CELF2: variants seen among roughly 807,000 people sequenced by gnomAD.
CELF2 encodes the protein CUGBP Elav-like family member 2.
Under a neutral mutation model 62.6 loss-of-function variants are expected in CELF2, and 8 were observed. That is an observed-to-expected ratio of 0.13 (90% CI 0.07 to 0.23). CELF2 has a LOEUF of 0.23. CELF2 is among the 10% of genes least tolerant of loss of function. The probability of loss-of-function intolerance (pLI) is 1.00; values close to 1 mark genes in which losing one functional copy is unlikely to be tolerated. For missense variants in CELF2, 333 were observed against 671.0 expected, an observed-to-expected ratio of 0.50 and a Z score of 5.56; for synonymous variants, 258 against 250.0, an observed-to-expected ratio of 1.03 and a Z score of -0.30.
intron 1 of CELF2, among the ~76,000 whole-genome samples, chr10:10,866,604 T>A: frequency 1.2e-5 from 1 of 84,084 alleles, no homozygotes; most frequent in South Asian, 4.8e-4. Context: ...GACTCCATCC[T>A]CTCAAAAAAA....
At chr10:11,096,361 C>T (rs746495891) in intron 1 of CELF2, 9 of 152,208 alleles carry the variant, frequency 5.9e-5, no homozygotes, top group Non-Finnish European at 1.3e-4. Flanking sequence ...TTCCCCTTCA[C>T]GAATCCTTAC....
In CELF2 at chr10:11,243,553, G is replaced by A. The variant is rs543203423; in HGVS notation, c.355-5600G>A. Among the ~76,000 whole-genome samples, 27 of 152,282 alleles carry A rather than the reference G, an allele frequency of 1.8e-4. No homozygotes were observed. Among genetic ancestry groups the A allele is most frequent in the Non-Finnish European group, 3.7e-4 (25 of 68,018 alleles). On this transcript the variant is annotated intron_variant, in intron 3 of 12. Coordinates refer to ENST00000633077, the MANE Select transcript of CELF2 (RefSeq NM_001326342.2). This position sits in a 1 kb window ranked among gnomAD's most constrained non-coding sequence, Gnocchi z 4.1. ...CCCCACAAGCATGCTGCGGCCTTGCGTGAGAGGACCAGAGATCTCCTGTCG... is the reference window on the plus strand; with the variant it reads ...CCCCACAAGCATGCTGCGGCCTTGCATGAGAGGACCAGAGATCTCCTGTCG...
At chr10:10,621,443 G>T in the CELF2 span, among the ~76,000 whole-genome samples, 2 of 152,126 alleles carry the variant, frequency 1.3e-5, no homozygotes, top group Non-Finnish European at 2.9e-5. Flanking sequence ...GAACAAAGAA[G>T]CGTAGCATAG....
Position 11,269,972 on chromosome 10 carries a change from G to GT in CELF2, c.619-688dup, listed in dbSNP as rs2083268555. 6.6e-6 allele frequency among the ~76,000 whole-genome samples: 1 copy of GT among 152,210 alleles called. No individual in the cohort carries two copies. Among genetic ancestry groups the GT allele is most frequent in the Non-Finnish European group, 1.5e-5 (1 of 68,042 alleles). On this transcript the variant is annotated intron_variant, in intron 6 of 12. Coordinates refer to ENST00000633077, the MANE Select transcript of CELF2 (RefSeq NM_001326342.2). The surrounding 1 kb of genome is among the most constrained non-coding windows in gnomAD (Gnocchi z 4.4). ...TCTTCTTTGGCTAGAATGTGCTTCT[G>GT]TTTTTTGGGTTTGCACCAGCTCCAG...
chr10:10,616,723 A>T, the CELF2 span, among the ~76,000 whole-genome samples: 701 of 144,862 alleles, frequency 4.8e-3, 5 homozygotes, highest in African/African-American at 0.016. Context: ...TGTGTGTGAG[A>T]GAGAGAGAGA....
At chr10:10,602,365 A>C in the CELF2 span, among the ~76,000 whole-genome samples, 2 of 152,128 alleles carry the variant, frequency 1.3e-5, no homozygotes, top group African/African-American at 4.8e-5. Context: ...TGGGGTCCTG[A>C]CATACCGGGG....
At chr10:10,691,118 C>G in the CELF2 span, among the ~76,000 whole-genome samples, 1 of 151,964 alleles carries the variant, frequency 6.6e-6, no homozygotes, top group Admixed American at 6.6e-5. Flanking sequence ...AACTCGTCAT[C>G]TAGCATTAGG....
At chr10:10,489,391 T>C in the CELF2 span, among the ~76,000 whole-genome samples, 35 of 152,126 alleles carry the variant, frequency 2.3e-4, no homozygotes, top group Non-Finnish European at 4.0e-4. Flanking sequence ...ACTGATAATT[T>C]TAAAACTAGA....
chr10:10,901,934 T>G (rs1421461332), intron 1 of CELF2, among the ~76,000 whole-genome samples: 1 of 152,146 alleles, frequency 6.6e-6, no homozygotes, highest in African/African-American at 2.4e-5. Context: ...GAATAAGCAT[T>G]TCACCAAAGA....
chr10:10,604,746 C>T, the CELF2 span, among the ~76,000 whole-genome samples: 2 of 152,174 alleles, frequency 1.3e-5, no homozygotes, highest in African/African-American at 2.4e-5. Flanking sequence ...TTAATACAAA[C>T]ATTTTGTCCA....
intron 9 of CELF2, among the ~76,000 whole-genome samples, chr10:11,304,534 A>T (rs1037270584): frequency 6.6e-6 from 1 of 152,204 alleles, no homozygotes; most frequent in African/African-American, 2.4e-5. Flanking sequence ...GGGACTCTGC[A>T]GTCCTGAGGC....
intron 1 of CELF2, among the ~76,000 whole-genome samples, chr10:10,857,919 A>G (rs1339955376): frequency 1.3e-4 from 19 of 151,894 alleles, no homozygotes; most frequent in Admixed American, 1.2e-3. Context: ...TAAAATTTGT[A>G]CAGACGCTAA....
At position 11,306,236 on chromosome 10, in the gene CELF2, T is replaced by G. The variant is rs1025555664; in HGVS notation, c.977-7903T>G. On this transcript the variant is annotated intron_variant, in intron 9 of 12. Coordinates refer to ENST00000633077, the MANE Select transcript of CELF2 (RefSeq NM_001326342.2). The surrounding 1 kb of genome is among the most constrained non-coding windows in gnomAD (Gnocchi z 4.4). ...TGCTTGAAGAGGTGTTCTGGGAGAT[T>G]ATGAACCAACATTTATAGACCGCAC... 1.3e-5 allele frequency among the ~76,000 whole-genome samples: 2 copies of G among 151,972 alleles called. No individual in the cohort carries two copies. The highest frequency in any genetic ancestry group is 4.8e-5 in the African/African-American group (2 of 41,376).
the CELF2 span, among the ~76,000 whole-genome samples, chr10:10,790,728 T>A: frequency 6.6e-6 from 1 of 152,184 alleles, no homozygotes; most frequent in Non-Finnish European, 1.5e-5. Context: ...CCTTCTACCA[T>A]GTTCTATGAA....
chr10:10,560,712 A>G, the CELF2 span, among the ~76,000 whole-genome samples: 5 of 152,208 alleles, frequency 3.3e-5, no homozygotes, highest in Admixed American at 3.3e-4. Context: ...TGAAAAAGAT[A>G]CTTGTACACG....
chr10:11,122,268 A>G (rs1281792884), intron 1 of CELF2, among the ~76,000 whole-genome samples: 1 of 152,232 alleles, frequency 6.6e-6, no homozygotes, highest in African/African-American at 2.4e-5. Context: ...CAAACTATAC[A>G]GAACAGCCTT....
chr10:11,009,422 C>T (rs1402945860), intron 1 of CELF2, among the ~76,000 whole-genome samples: 1 of 152,044 alleles, frequency 6.6e-6, no homozygotes, highest in African/African-American at 2.4e-5. Context: ...CCCTGATTTT[C>T]GATGAGGTAC....
At chr10:10,788,275 A>AC in the CELF2 span, among the ~76,000 whole-genome samples, 18 of 151,986 alleles carry the variant, frequency 1.2e-4, no homozygotes, top group Admixed American at 1.1e-3. Flanking sequence ...TTCTAAAACT[A>AC]CTTTGTACCC....
intron 1 of CELF2, among the ~76,000 whole-genome samples, chr10:11,132,634 A>T (rs2131893534): frequency 1.3e-5 from 2 of 152,254 alleles, no homozygotes; most frequent in Middle Eastern, 3.4e-3. Context: ...CTCATTCAAG[A>T]CCTAATATCC....
Sources: gnomAD v4.1 joint callset for allele counts (sites outside exome capture counted in the v4.1 genomes callset) on GRCh38, gnomAD v4.1.1 for gene constraint, Gnocchi (gnomAD v3.1) non-coding constraint, MANE v1.5 for transcripts, NCBI Gene and HGNC (gene_info 2026-07-23, HGNC 2026-07-21) for gene names.